The following SLC39A4 variants were observed in gnomAD, a reference collection of about 807,000 sequenced individuals.
SLC39A4 encodes zinc transporter ZIP4.
SLC39A4 carries 49 observed loss-of-function variants against 56.6 expected under a neutral mutation model. The ratio of observed to expected loss-of-function variants is 0.87; its 90% CI spans 0.69 to 1.10. The LOEUF is 1.10. Ranked by LOEUF, SLC39A4 falls within the 50% of genes least tolerant of loss-of-function variation. The pLI, the probability that SLC39A4 is intolerant of heterozygous loss-of-function variation, is 0.00. For synonymous variants in SLC39A4, 540 were observed against 420.4 expected, an observed-to-expected ratio of 1.28 and a Z score of -3.48; for missense variants, 993 against 864.2, an observed-to-expected ratio of 1.15 and a Z score of -1.87.
chr8:144,416,414 G>A (rs1390100777), intron 1 of SLC39A4, 184 bp downstream of exon 1: 1 of 1,445,832 alleles, frequency 6.9e-7, no homozygotes, highest in Non-Finnish European at 9.0e-7. Flanking sequence ...TCCCTGGAAA[G>A]GCCTGTCTGC....
intron 5 of SLC39A4, 21 bp downstream of exon 5, chr8:144,414,703 CA>C: frequency 6.2e-7 from 1 of 1,611,430 alleles, no homozygotes. Flanking sequence ...GCTGCCAGCA[CA>C]ATGTCGGCGT....
intron 5 of SLC39A4, 116 bp downstream of exon 5, chr8:144,414,609 T>C: frequency 1.3e-6 from 2 of 1,518,342 alleles, no homozygotes; most frequent in Non-Finnish European, 1.8e-6. Flanking sequence ...GTGTCTGTTG[T>C]TTCTACTTCC....
At chr8:144,413,694 G>A in intron 8 of SLC39A4, 56 bp downstream of exon 8, 2 of 1,536,386 alleles carry the variant, frequency 1.3e-6, no homozygotes, top group African/African-American at 1.4e-5. Context: ...TGTGGGCGTG[G>A]GAAGGGGTCG....
intron 5 of SLC39A4, 48 bp downstream of exon 5, chr8:144,414,677 C>G: frequency 1.9e-6 from 3 of 1,603,638 alleles, no homozygotes; most frequent in Non-Finnish European, 2.6e-6. Flanking sequence ...CCTTCCTACA[C>G]GGGCTCCACC....
rs2130802174 is a variant in SLC39A4 at position 144,415,846 on chromosome 8, C to T, written c.438G>A (p.Arg146=). ...LTPGLSWLLQ[R]MQARAAGQTP... ...TCTGGCCGGCAGCCCGGGCCTGCAT[C>T]CTCTGCAGCAGCCAGCTCAGGCCCG... Residue 146 remains arginine, a synonymous_variant, in exon 2 of 12, where the codon AGG becomes AGA. Coordinates refer to ENST00000301305, the MANE Select transcript of SLC39A4 (RefSeq NM_130849.4). 2 of 1,597,482 alleles carry T rather than the reference C, an allele frequency of 1.3e-6. No homozygotes were observed. The highest frequency in any genetic ancestry group is 8.5e-7 in the Non-Finnish European group (1 of 1,175,930).
chr8:144,414,343 G>A lies in SLC39A4; in HGVS notation c.1068C>T (p.Val356=), dbSNP rs557593730. The change falls in exon 6 of 12, where the codon GTC becomes GTT. Residue 356 remains valine, a synonymous_variant. Transcript: ENST00000301305. ...GGAAGGTCTGCAGGATGTAGTGGGT[G>A]ACCCCCCTGCAGCCAGTGCAGGTCA... is the stretch of plus-strand genomic sequence containing the variant. ...LLLTCTGCRG[V]THYILQTFLS... 40 of 1,592,990 alleles carry A rather than the reference G, an allele frequency of 2.5e-5. 1 individual carries two copies. In the South Asian group the frequency reaches 3.0e-4, roughly 12 times the overall value.
At position 144,414,297 on chromosome 8, in the gene SLC39A4, C is replaced by G. The variant is rs1871534; in HGVS notation, c.1114G>C (p.Val372Leu). 0.96 allele frequency: 1,536,285 copies of G among 1,607,874 alleles called. 757,837 individuals are homozygous for G. The highest frequency in any genetic ancestry group is 1 in the East Asian group (44,604 of 44,606). ...QTFLSLAVGAVTGDAVLHLTP... is the reference protein window; with the variant it reads ...QTFLSLAVGALTGDAVLHLTP... Reference sequence around the variant, plus strand: ...AGATGCAGGACAGCGTCCCCAGTGACTGCACCCACTGCCAGGCTCAGGAAG... The same window carrying G: ...AGATGCAGGACAGCGTCCCCAGTGAGTGCACCCACTGCCAGGCTCAGGAAG... Residue 372 changes from valine (V) to leucine (L), a missense_variant, in exon 6 of 12, where the codon GTC (valine) becomes CTC (leucine). Physicochemically the swap from Val to Leu is conservative, Grantham distance 32. Transcript: ENST00000301305.
rs201810424 is a variant in SLC39A4, at chr8:144,416,110, G to A, written c.193-19C>T. 67 of 1,600,450 alleles carry A rather than the reference G, an allele frequency of 4.2e-5. No individual in the cohort carries two copies. In the African/African-American group the frequency reaches 7.7e-4, roughly 18 times the overall value. On this transcript the variant is annotated intron_variant, in intron 1 of 11. Transcript: ENST00000301305. ...ACAGGCACTGTGGGCAGAGACAAGT[G>A]AGCAGGGGCGCTGGGCCCACCAGGG...
Position 144,412,416 on chromosome 8 carries a change from C to T in SLC39A4, c.*122G>A. 2 of 1,533,234 alleles carry T rather than the reference C, an allele frequency of 1.3e-6. No individual in the cohort carries two copies. Among genetic ancestry groups the T allele is most frequent in the East Asian group, 2.3e-5 (1 of 44,246 alleles). The allele number at this position is 1,533,234 out of a possible 1,614,324, so 95.0% of individuals were successfully genotyped here. ...CAGCAAGGAGAGCACAGCCATGCTC[C>T]AAGGACAAGAGTGTCTTTACTGGAG... is the stretch of plus-strand genomic sequence containing the variant. On this transcript the variant is annotated 3_prime_UTR_variant, in exon 12 of 12. Transcript: ENST00000301305.
chr8:144,415,912 G>C lies in SLC39A4; in HGVS notation c.372C>G (p.Asp124Glu), dbSNP rs1822169733. 1 of 1,596,004 alleles carries C rather than the reference G, an allele frequency of 6.3e-7. No homozygotes were observed. The highest frequency in any genetic ancestry group is 8.5e-7 in the Non-Finnish European group (1 of 1,174,142). ...ARAGLWASHADHLLALLESPK... is the reference protein window; with the variant it reads ...ARAGLWASHAEHLLALLESPK... ...GGCTCTCGAGCAGGGCCAGGAGGTG[G>C]TCTGCATGAGAGGCCCAGAGGCCAG... The change falls in exon 2 of 12, where the codon GAC (aspartate) becomes GAG (glutamate). Residue 124 changes from aspartate to glutamate, a missense_variant. Transcript: ENST00000301305.
rs1822122663 is a variant in SLC39A4 at position 144,415,271 on chromosome 8, A to ATG, written c.622_623insCA (p.Phe208SerfsTer13). ...CTCGCTGCTGTGCTGCTGGAACACA[A>ATG]AGTCCACGAAGTACTGAGGGCTCGG... is the stretch of plus-strand genomic sequence containing the variant. On this transcript the variant is annotated frameshift_variant, in exon 3 of 12. Coordinates refer to ENST00000301305, the MANE Select transcript of SLC39A4 (RefSeq NM_130849.4). LOFTEE classifies it high-confidence loss of function. The ATG allele has an allele frequency of 6.2e-7, 1 of 1,613,096 alleles. No homozygotes were observed. The highest frequency in any genetic ancestry group is 8.5e-7 in the Non-Finnish European group (1 of 1,179,846).
At chr8:144,415,763 G>A (rs782688974) in intron 2 of SLC39A4, 47 bp downstream of exon 2, 2 of 1,555,910 alleles carry the variant, frequency 1.3e-6, no homozygotes, top group Non-Finnish European at 1.7e-6. Flanking sequence ...CATGGGCCGT[G>A]GGACCCTCCT....
At position 144,415,413 on chromosome 8, in the gene SLC39A4, C is replaced by T. The variant is rs782414712; in HGVS notation, c.481G>A (p.Val161Ile). The T allele has an allele frequency of 1.7e-5, 27 of 1,601,658 alleles. No individual in the cohort carries two copies. The highest frequency in any genetic ancestry group is 6.7e-5 in the East Asian group (3 of 44,458). The change falls in exon 3 of 12, where the codon GTA (valine) becomes ATA (isoleucine). Residue 161 changes from valine (V) to isoleucine (I), a missense_variant. By Grantham distance (29) the Val-to-Ile change is conservative (BLOSUM62 3). Transcript: ENST00000301305. Reference protein sequence around the residue: ...AAGQTPKMACVDIPQLLEEAV... With the variant: ...AAGQTPKMACIDIPQLLEEAV... Reference sequence around the variant, plus strand: ...TCCTCCAGCAGCTGAGGGATATCTACGCAGGCCTGGGGAAGAGGGGGCCTC... The same window carrying T: ...TCCTCCAGCAGCTGAGGGATATCTATGCAGGCCTGGGGAAGAGGGGGCCTC...
In SLC39A4 at chr8:144,416,044, T is replaced by G. The variant is rs1822180101; in HGVS notation, c.240A>C (p.Ser80=). ...CCAGGACCGGGCCCGGGGGCAGCCC[T>G]GACCCCTCAGGCTCGCCCAGGCCCA... ...DALGLGEPEG[S]GLPPGPVLEA... is the part of the protein sequence containing the mutation. Residue 80 remains serine (S), a synonymous_variant, in exon 2 of 12, where the codon TCA becomes TCC. Transcript: ENST00000301305. 1.9e-6 allele frequency: 3 copies of G among 1,586,994 alleles called. No homozygotes were observed. Among genetic ancestry groups the G allele is most frequent in the Non-Finnish European group, 2.6e-6 (3 of 1,169,244 alleles).
At chr8:144,413,682 AGT>A in intron 8 of SLC39A4, 66 bp downstream of exon 8, 1 of 1,529,168 alleles carries the variant, frequency 6.5e-7, no homozygotes, top group African/African-American at 1.4e-5. Flanking sequence ...TGGGGCTGGG[AGT>A]GTGGGCGTGG....
intron 5 of SLC39A4, 127 bp from the exon 6 acceptor site, chr8:144,414,561 C>G (rs1822082750): frequency 1.3e-6 from 2 of 1,499,976 alleles, no homozygotes; most frequent in African/African-American, 2.8e-5. Context: ...ACCCTCCTGC[C>G]TCAAAGCCCC....
intron 1 of SLC39A4, 112 bp from the exon 2 acceptor site, chr8:144,416,203 C>T (rs781872922): frequency 4.4e-6 from 7 of 1,593,254 alleles, no homozygotes; most frequent in Non-Finnish European, 5.9e-6. Flanking sequence ...CAACAACGTC[C>T]ACCATCCTCT....
In SLC39A4 at chr8:144,416,116, G is replaced by A. The variant is rs530499023; in HGVS notation, c.193-25C>T. The A allele has an allele frequency of 2.1e-5, 34 of 1,600,016 alleles. No individual in the cohort carries two copies. In the African/African-American group the frequency reaches 4.4e-4, roughly 21 times the overall value. The stretch of plus-strand genomic sequence containing the variant: ...ACTGTGGGCAGAGACAAGTGAGCAG[G>A]GGCGCTGGGCCCACCAGGGAGGGGA... On this transcript the variant is annotated intron_variant, in intron 1 of 11. Transcript: ENST00000301305.
Position 144,413,035 on chromosome 8 carries a change from C to T in SLC39A4, c.1628-89G>A, listed in dbSNP as rs1821957628. ...GGTCCCGCCCTCTTACCACCAGGCCCCGCCCACCTGTTCCCGGTCTCCCCG... is the reference window on the plus strand; with the variant it reads ...GGTCCCGCCCTCTTACCACCAGGCCTCGCCCACCTGTTCCCGGTCTCCCCG... On this transcript the variant is annotated intron_variant, in intron 10 of 11. Coordinates refer to ENST00000301305, the MANE Select transcript of SLC39A4 (RefSeq NM_130849.4). The T allele has an allele frequency of 4.0e-6, 6 of 1,512,720 alleles. No homozygotes were observed. The Admixed American group carries it at 9.8e-5, about 25-fold the overall frequency. The allele number at this position is 1,512,720 out of a possible 1,614,324, so 93.7% of individuals were successfully genotyped here. A position where few individuals can be genotyped will look rare whatever the true frequency, so the allele number is the denominator to read the frequency against.
Sources: allele counts gnomAD v4.1 joint callset, GRCh38; gene constraint gnomAD v4.1.1; transcripts MANE v1.5; gene names NCBI Gene and HGNC (gene_info 2026-07-23, HGNC 2026-07-21).